RBFOX1: variants seen among roughly 807,000 people sequenced by gnomAD.
RBFOX1 encodes the protein RNA binding fox-1 homolog 1.
In RBFOX1, 8 loss-of-function variants were observed where a neutral mutation model predicts 57.7. That is an observed-to-expected ratio of 0.14 (90% CI 0.08 to 0.25). The LOEUF is 0.25. RBFOX1 is among the 10% of genes least tolerant of loss of function. The pLI is 1.00. For synonymous variants in RBFOX1, 326 were observed against 222.4 expected, an observed-to-expected ratio of 1.47 and a Z score of -4.15; for missense variants, 611 against 548.5, an observed-to-expected ratio of 1.11 and a Z score of -1.14.
chr16:5,846,390 C>G (rs962184610), intron 3 of RBFOX1, among the ~76,000 whole-genome samples: 10 of 151,026 alleles, frequency 6.6e-5, no homozygotes, highest in Admixed American at 6.6e-4. Flanking sequence ...AAGGTAACTT[C>G]TATTACAGCA....
intron 2 of RBFOX1, among the ~76,000 whole-genome samples, chr16:6,500,540 G>A (rs2095879866): frequency 6.6e-6 from 1 of 152,190 alleles, no homozygotes; most frequent in African/African-American, 2.4e-5. Context: ...TCTCAGGAAT[G>A]TTCCATAATA....
rs183736118 is a variant in RBFOX1, at chr16:7,261,715, A to C, written c.27+209617A>C. Among the ~76,000 whole-genome samples, 127 of 152,298 alleles carry C rather than the reference A, an allele frequency of 8.3e-4. 1 individual carries two copies. The East Asian group carries it at 0.022, about 27-fold the overall frequency. ...CTTTTCCTTATTGATAAAAATAGGC[A>C]TCATGATAATAATAGTATCTACCTG... On this transcript the variant is annotated intron_variant, in intron 4 of 15. Transcript: ENST00000550418.
chr16:6,644,253 T>C (rs987120295), intron 2 of RBFOX1, among the ~76,000 whole-genome samples: 2 of 152,198 alleles, frequency 1.3e-5, no homozygotes, highest in African/African-American at 4.8e-5. Context: ...AATGTAAGCA[T>C]GCATCCAAAC....
intron 4 of RBFOX1, among the ~76,000 whole-genome samples, chr16:7,204,755 C>T (rs894855839): frequency 1.3e-5 from 2 of 152,130 alleles, no homozygotes; most frequent in African/African-American, 4.8e-5. Context: ...CCTTTTCTCC[C>T]CCTCTCCCCA....
At chr16:5,558,057 C>G (rs1018257509) in intron 2 of RBFOX1, among the ~76,000 whole-genome samples, 2 of 152,156 alleles carry the variant, frequency 1.3e-5, no homozygotes, top group Non-Finnish European at 2.9e-5. Context: ...CTCTATCCCC[C>G]GCTTCCAGCT....
At chr16:7,108,799 A>AG (rs2064093056) in intron 4 of RBFOX1, among the ~76,000 whole-genome samples, 1 of 152,168 alleles carries the variant, frequency 6.6e-6, no homozygotes, top group Admixed American at 6.5e-5. Context: ...AGGCTCATGA[A>AG]GGCTTGTTTG....
At chr16:7,014,062 A>G (rs570169087) in intron 3 of RBFOX1, among the ~76,000 whole-genome samples, 12 of 152,344 alleles carry the variant, frequency 7.9e-5, no homozygotes, top group African/African-American at 1.7e-4. Flanking sequence ...TTCACTCAGT[A>G]TATTAAAAAT....
At chr16:6,056,842 C>CTTTTTTT (rs61605263) in intron 1 of RBFOX1, 50 of 148,626 alleles carry the variant, frequency 3.4e-4, no homozygotes, top group Non-Finnish European at 4.2e-4. Context: ...AGACTTAAGA[C>CTTTTTTT]TTTTTTTTTT....
chr16:7,676,675 T>G (rs2073367072), intron 13 of RBFOX1, 99 bp from the exon 14 acceptor site: 2 of 1,007,100 alleles, frequency 2.0e-6, no homozygotes, highest in African/African-American at 1.6e-5. Context: ...TTTAGCTCAG[T>G]AGATTTGGGT....
chr16:6,843,796 A>T (rs1166046223), intron 3 of RBFOX1, among the ~76,000 whole-genome samples: 4 of 152,194 alleles, frequency 2.6e-5, no homozygotes, highest in Non-Finnish European at 5.9e-5. Context: ...GTTCCATGCC[A>T]AAAGAAATAA....
intron 2 of RBFOX1, among the ~76,000 whole-genome samples, chr16:6,357,526 T>C (rs1329478622): frequency 6.6e-6 from 1 of 152,054 alleles, no homozygotes; most frequent in African/African-American, 2.4e-5. Flanking sequence ...CCTTTTTTAC[T>C]AGGTGGAGGT....
chr16:7,421,031 C>G (rs1483345395), intron 4 of RBFOX1, among the ~76,000 whole-genome samples: 1 of 151,736 alleles, frequency 6.6e-6, no homozygotes, highest in Non-Finnish European at 1.5e-5. Context: ...TGTGACGCCT[C>G]CACTTGATGA....
At chr16:7,105,526 T>C (rs1449491750) in intron 4 of RBFOX1, among the ~76,000 whole-genome samples, 1 of 152,072 alleles carries the variant, frequency 6.6e-6, no homozygotes, top group African/African-American at 2.4e-5. Flanking sequence ...GTCATTCTTA[T>C]GCCTTTGCTT....
intron 5 of RBFOX1, among the ~76,000 whole-genome samples, chr16:7,518,948 A>G (rs2076970981): frequency 1.3e-5 from 2 of 152,176 alleles, no homozygotes; most frequent in Non-Finnish European, 2.9e-5. Context: ...GCTTGGGGCC[A>G]GGAGTTTGAG....
chr16:5,722,081 A>G (rs897775823), intron 3 of RBFOX1, among the ~76,000 whole-genome samples: 1 of 152,234 alleles, frequency 6.6e-6, no homozygotes, highest in African/African-American at 2.4e-5. Flanking sequence ...CTGTTAGCCA[A>G]GAGCCTTTAA....
At chr16:7,523,397 A>G (rs1217104544) in intron 5 of RBFOX1, among the ~76,000 whole-genome samples, 1 of 152,238 alleles carries the variant, frequency 6.6e-6, no homozygotes, top group East Asian at 1.9e-4. Flanking sequence ...AGTTCCATCT[A>G]CATTGCCTTC....
At chr16:6,633,519 C>G (rs1230653110) in intron 2 of RBFOX1, among the ~76,000 whole-genome samples, 1 of 152,106 alleles carries the variant, frequency 6.6e-6, no homozygotes, top group Non-Finnish European at 1.5e-5. Flanking sequence ...ATCTTGAATA[C>G]CTGGCCTCAA....
At chr16:5,653,907 G>T (rs1370776340) in intron 3 of RBFOX1, among the ~76,000 whole-genome samples, 1 of 152,192 alleles carries the variant, frequency 6.6e-6, no homozygotes, top group East Asian at 1.9e-4. Flanking sequence ...AAGATGAGAG[G>T]ATAAAGTCAG....
chr16:5,257,059 C>G (rs1323250221), intron 1 of RBFOX1, among the ~76,000 whole-genome samples: 1 of 152,062 alleles, frequency 6.6e-6, no homozygotes, highest in Non-Finnish European at 1.5e-5. Flanking sequence ...GAAACCAGAC[C>G]AGGACTCCAG....
Sources: allele counts gnomAD v4.1 joint callset (sites outside exome capture counted in the v4.1 genomes callset), GRCh38; gene constraint gnomAD v4.1.1; transcripts MANE v1.5; gene names NCBI Gene and HGNC (gene_info 2026-07-23, HGNC 2026-07-21).